Variants in CDH18 observed in about 807,000 individuals in gnomAD.
The protein encoded by CDH18 is cadherin-18.
In CDH18, 31 loss-of-function variants were observed where a neutral mutation model predicts 67.9. The observed-to-expected ratio is 0.46, with a 90% confidence interval of 0.34 to 0.62. The LOEUF (loss-of-function observed/expected upper bound fraction) is 0.62. CDH18 is among the 20% of genes least tolerant of loss of function. The probability of loss-of-function intolerance (pLI) is 0.01; values close to 1 mark genes in which losing one functional copy is unlikely to be tolerated. For synonymous variants in CDH18, 362 were observed against 347.2 expected, an observed-to-expected ratio of 1.04 and a Z score of -0.48; for missense variants, 890 against 975.5, an observed-to-expected ratio of 0.91 and a Z score of 1.17.
intron 1 of CDH18, among the ~76,000 whole-genome samples, chr5:20,381,473 G>A (rs1743902299): frequency 6.6e-6 from 1 of 152,020 alleles, no homozygotes; most frequent in Admixed American, 6.6e-5. Context: ...CACCTGCATG[G>A]TTGTCTCAAG....
At position 20,289,776 on chromosome 5, in the gene CDH18, A is replaced by C. The variant is rs907638480; in HGVS notation, c.-579-34271T>G. On this transcript the variant is annotated intron_variant, in intron 1 of 14. Transcript: ENST00000507958. ...ACGATTAAGGAAAACACTGAAGATC[A>C]GATACACATTAAACTACAGATTTAA... Among the ~76,000 whole-genome samples the C allele has an allele frequency of 2.0e-5, 3 of 152,206 alleles. No individual in the cohort carries two copies. In the East Asian group the frequency reaches 5.8e-4, roughly 29 times the overall value.
chr5:20,566,516 TGCCC>T (rs1758519252), intron 1 of CDH18, among the ~76,000 whole-genome samples: 2 of 146,524 alleles, frequency 1.4e-5, no homozygotes, highest in Admixed American at 1.4e-4. Flanking sequence ...CGCGCCACCA[TGCCC>T]AGCTAATTTT....
chr5:20,326,816 C>A (rs1447551806), intron 1 of CDH18, among the ~76,000 whole-genome samples: 2 of 152,134 alleles, frequency 1.3e-5, no homozygotes, highest in Admixed American at 6.5e-5. Context: ...GCTGGGATCA[C>A]CGGCTTGAGC....
At chr5:19,711,668 A>AG (rs1554011717) in intron 5 of CDH18, among the ~76,000 whole-genome samples, 2 of 150,550 alleles carry the variant, frequency 1.3e-5, no homozygotes, top group African/African-American at 2.4e-5. Context: ...AAAAAAAAAA[A>AG]GCAAATGTTG....
intron 2 of CDH18, among the ~76,000 whole-genome samples, chr5:20,213,936 T>G (rs973157770): frequency 2.6e-5 from 4 of 152,072 alleles, no homozygotes; most frequent in Non-Finnish European, 4.4e-5. Flanking sequence ...AAACTATCCT[T>G]GTTTGCAGAT....
chr5:20,387,401 T>G (rs1295155202), intron 1 of CDH18, among the ~76,000 whole-genome samples: 1 of 152,136 alleles, frequency 6.6e-6, no homozygotes, highest in Non-Finnish European at 1.5e-5. Flanking sequence ...TGCTTGCGAT[T>G]TTTTGCACAT....
In CDH18 at chr5:20,024,425, G is replaced by A. The variant is rs1048096293; in HGVS notation, c.-517-32411C>T. On this transcript the variant is annotated intron_variant, in intron 2 of 14. Coordinates refer to the CDH18 transcript ENST00000507958. ...TCCTTTGAGACCTGGTGGAAGTAACGTGAGCTTCAGAAAGGAAGAGGTGAG... is the reference window on the plus strand; with the variant it reads ...TCCTTTGAGACCTGGTGGAAGTAACATGAGCTTCAGAAAGGAAGAGGTGAG... Among the ~76,000 whole-genome samples, 9 of 152,252 alleles carry A rather than the reference G, an allele frequency of 5.9e-5. No individual in the cohort carries two copies. The East Asian group carries it at 7.7e-4, about 13-fold the overall frequency.
At chr5:19,924,089 A>G (rs1398605054) in intron 2 of CDH18, among the ~76,000 whole-genome samples, 2 of 152,216 alleles carry the variant, frequency 1.3e-5, no homozygotes, top group East Asian at 3.9e-4. Context: ...ACAATGAGTA[A>G]AGCTATAAAT....
At chr5:20,134,398 T>G (rs1034144094) in intron 2 of CDH18, among the ~76,000 whole-genome samples, 1 of 152,214 alleles carries the variant, frequency 6.6e-6, no homozygotes, top group African/African-American at 2.4e-5. Flanking sequence ...TTTTCTAAGC[T>G]GTGTCTAGTC....
At chr5:19,622,900 T>A (rs1750934318) in intron 5 of CDH18, among the ~76,000 whole-genome samples, 1 of 152,216 alleles carries the variant, frequency 6.6e-6, no homozygotes, top group African/African-American at 2.4e-5. Flanking sequence ...CCTGCTAAAT[T>A]TCCTGGCTTC....
chr5:19,849,800 G>A lies in CDH18; in HGVS notation c.-256-10558C>T, dbSNP rs182502585. On this transcript the variant is annotated intron_variant, in intron 2 of 12. Transcript: ENST00000382275. The stretch of plus-strand genomic sequence containing the variant: ...TATATATATGAACATATATATACAC[G>A]CATACACACACACACACAGAGGCAC... 3.6e-4 allele frequency among the ~76,000 whole-genome samples: 50 copies of A among 138,184 alleles called. No homozygotes were observed. The East Asian group carries it at 7.7e-3, about 21-fold the overall frequency. 90.7% of individuals were successfully genotyped at this position (138,184 alleles called of 152,430 possible).
rs1337612107 is a variant in CDH18, at chr5:20,268,997, C to G, written c.-579-13492G>C. On this transcript the variant is annotated intron_variant, in intron 1 of 14. Transcript: ENST00000507958. ...TTCTTCAACAGGGGATTAATATCCACAATATAGAAGTAACACAAATGACTG... is the reference window on the plus strand; with the variant it reads ...TTCTTCAACAGGGGATTAATATCCAGAATATAGAAGTAACACAAATGACTG... 3.3e-5 allele frequency among the ~76,000 whole-genome samples: 5 copies of G among 152,086 alleles called. No homozygotes were observed. In the East Asian group the frequency reaches 5.8e-4, roughly 18 times the overall value.
chr5:20,026,354 T>G (rs921349520), intron 2 of CDH18, among the ~76,000 whole-genome samples: 7 of 152,102 alleles, frequency 4.6e-5, no homozygotes, highest in Non-Finnish European at 2.9e-5. Context: ...ATGAGAAAAA[T>G]AGATAATATA....
At chr5:20,429,623 T>C (rs1396049938) in intron 1 of CDH18, among the ~76,000 whole-genome samples, 3 of 152,118 alleles carry the variant, frequency 2.0e-5, no homozygotes, top group Non-Finnish European at 4.4e-5. Context: ...ATGATGAAGA[T>C]TGTATATTTT....
intron 2 of CDH18, among the ~76,000 whole-genome samples, chr5:20,159,322 A>G (rs1460363966): frequency 3.3e-5 from 5 of 152,156 alleles, no homozygotes; most frequent in African/African-American, 4.8e-5. Flanking sequence ...AATAAAAAGC[A>G]CTGAAGAAAA....
At chr5:20,503,961 C>T (rs531366043) in intron 1 of CDH18, among the ~76,000 whole-genome samples, 1 of 151,762 alleles carries the variant, frequency 6.6e-6, no homozygotes, top group African/African-American at 2.4e-5. Flanking sequence ...TCGCTTGAAC[C>T]CGAGAGGCGG....
chr5:19,743,918 T>C (rs1247093064), intron 4 of CDH18, among the ~76,000 whole-genome samples: 3 of 60,616 alleles, frequency 4.9e-5, no homozygotes, highest in East Asian at 9.6e-4. Flanking sequence ...GAGACTCTTG[T>C]CTCAAAAAAA....
At chr5:19,943,641 G>C (rs972499256) in intron 2 of CDH18, among the ~76,000 whole-genome samples, 4 of 151,906 alleles carry the variant, frequency 2.6e-5, no homozygotes, top group African/African-American at 7.3e-5. Context: ...ATAATATCCT[G>C]AGTCTTTTAG....
intron 5 of CDH18, among the ~76,000 whole-genome samples, chr5:19,669,413 C>T (rs1053020729): frequency 6.6e-5 from 10 of 151,754 alleles, no homozygotes; most frequent in Middle Eastern, 3.4e-3. Context: ...CTGCCTCAGC[C>T]GCCTGAGTAG....
Sources: gnomAD v4.1 joint callset for allele counts (sites outside exome capture counted in the v4.1 genomes callset) on GRCh38, gnomAD v4.1.1 for gene constraint, MANE v1.5 for transcripts, NCBI Gene and HGNC (gene_info 2026-07-23, HGNC 2026-07-21) for gene names.